The following EIF2AK2 variants were observed in gnomAD, a reference collection of about 807,000 sequenced individuals.
EIF2AK2 encodes interferon-induced, double-stranded RNA-activated protein kinase.
A neutral mutation model predicts 70.5 loss-of-function variants in EIF2AK2; 40 were observed. The observed-to-expected ratio is 0.57, with a 90% CI of 0.44 to 0.74. The LOEUF (loss-of-function observed/expected upper bound fraction) is 0.74, where lower values mean the gene tolerates loss of function less well. Ranked by LOEUF, EIF2AK2 falls within the 30% of genes least tolerant of loss-of-function variation. EIF2AK2 has a pLI of 0.00. For synonymous variants in EIF2AK2, 198 were observed against 220.9 expected, an observed-to-expected ratio of 0.90 and a Z score of 0.92; for missense variants, 555 against 644.3, an observed-to-expected ratio of 0.86 and a Z score of 1.50.
intron 6 of EIF2AK2, 78 bp downstream of exon 6, chr2:37,139,553 T>C (rs960364959): frequency 2.6e-6 from 4 of 1,557,094 alleles, no homozygotes; most frequent in South Asian, 1.2e-5. Context: ...CTTGGCATAA[T>C]GTTAACACAG....
rs2148656958 is a variant in EIF2AK2, at chr2:37,100,321, T to A, written c.*6952A>T. On this transcript the variant is annotated 3_prime_UTR_variant, in exon 17 of 17. Transcript: ENST00000233057. ...GCCCAGTGAACTGCAGCCCAGTGAA[T>A]CTCATTTTAGACTTCTGGCCTCCAG... 6.6e-6 allele frequency: 1 copy of A among 152,300 alleles called. No homozygotes were observed. Among genetic ancestry groups the A allele is most frequent in the Middle Eastern group, 3.4e-3 (1 of 294 alleles). 9.4% of individuals were successfully genotyped at this position (152,300 alleles called of 1,614,324 possible).
chr2:37,107,077 A>C lies in EIF2AK2; in HGVS notation c.*196T>G. ...AAAAGAATAAAGAGATGAGCCAGGA[A>C]AAAGTAAAATGTAAGAATGTTTTTG... On this transcript the variant is annotated 3_prime_UTR_variant, in exon 17 of 17. Coordinates refer to ENST00000233057, the MANE Select transcript of EIF2AK2 (RefSeq NM_001135651.3). The C allele has an allele frequency of 1.4e-6, 1 of 692,266 alleles. No individual in the cohort carries two copies. The highest frequency in any genetic ancestry group is 2.1e-6 in the Non-Finnish European group (1 of 472,192). The allele number at this position is 692,266 out of a possible 1,614,324, so 42.9% of individuals were successfully genotyped here.
chr2:37,118,633 C>T (rs1219262457), intron 13 of EIF2AK2, among the ~76,000 whole-genome samples: 1 of 152,214 alleles, frequency 6.6e-6, no homozygotes, highest in Non-Finnish European at 1.5e-5. Context: ...ACCAACTCTA[C>T]ATTTATCCTT....
intron 4 of EIF2AK2, among the ~76,000 whole-genome samples, chr2:37,142,427 C>T (rs1251461944): frequency 6.6e-6 from 1 of 152,114 alleles, no homozygotes; most frequent in Admixed American, 6.5e-5. Flanking sequence ...GCCACCACAC[C>T]CGGCTGAGTT....
At chr2:37,115,050 T>C (rs1674288716) in intron 13 of EIF2AK2, among the ~76,000 whole-genome samples, 191 bp from the exon 14 acceptor site, 2 of 151,092 alleles carry the variant, frequency 1.3e-5, no homozygotes, top group African/African-American at 2.4e-5. Flanking sequence ...GATTTCTTTT[T>C]TTTTTTTTTT....
At chr2:37,115,216 T>TG (rs961862164) in intron 13 of EIF2AK2, 18 of 146,100 alleles carry the variant, frequency 1.2e-4, no homozygotes, top group Non-Finnish European at 2.0e-4. Flanking sequence ...CCCGGCTAGT[T>TG]TTTTTTTTTT....
intron 12 of EIF2AK2, among the ~76,000 whole-genome samples, chr2:37,120,713 A>G (rs1674512829): frequency 1.3e-5 from 2 of 149,864 alleles, no homozygotes; most frequent in South Asian, 4.3e-4. Context: ...CTATAATCCT[A>G]GCACCTTGGG....
chr2:37,115,214 G>GT (rs747138117), intron 13 of EIF2AK2: 5,074 of 109,036 alleles, frequency 0.047, 351 homozygotes, highest in African/African-American at 0.065. Context: ...TGCCCGGCTA[G>GT]TTTTTTTTTT....
chr2:37,127,586 C>T (rs957435521), intron 10 of EIF2AK2, among the ~76,000 whole-genome samples: 1 of 152,064 alleles, frequency 6.6e-6, no homozygotes, highest in Non-Finnish European at 1.5e-5. Context: ...TCTCATACGC[C>T]CTTCCTTCCA....
At chr2:37,150,635 T>G (rs1306284005) in intron 1 of EIF2AK2, among the ~76,000 whole-genome samples, 1 of 152,168 alleles carries the variant, frequency 6.6e-6, no homozygotes, top group Non-Finnish European at 1.5e-5. Context: ...GAAAACTGAT[T>G]TACACAGAAG....
chr2:37,136,215 C>T (rs1367333782), intron 9 of EIF2AK2, among the ~76,000 whole-genome samples: 3 of 152,220 alleles, frequency 2.0e-5, no homozygotes, highest in Admixed American at 6.5e-5. Context: ...AAGCCCTTAA[C>T]TCCTTAACTT....
chr2:37,124,504 C>G (rs1038053002), intron 11 of EIF2AK2, among the ~76,000 whole-genome samples: 2 of 152,142 alleles, frequency 1.3e-5, no homozygotes, highest in Non-Finnish European at 2.9e-5. Flanking sequence ...CGTGATCTGC[C>G]TGTCTTGGCC....
intron 4 of EIF2AK2, among the ~76,000 whole-genome samples, chr2:37,144,721 C>T (rs1218018474): frequency 2.0e-5 from 3 of 151,916 alleles, no homozygotes; most frequent in Non-Finnish European, 4.4e-5. Context: ...GCTGGAACTA[C>T]AGGCACATGC....
At chr2:37,134,653 C>T (rs1558421593) in intron 10 of EIF2AK2, among the ~76,000 whole-genome samples, 1 of 152,196 alleles carries the variant, frequency 6.6e-6, no homozygotes, top group South Asian at 2.1e-4. Context: ...TCCTTGACCT[C>T]CTCCTTGACC....
intron 10 of EIF2AK2, among the ~76,000 whole-genome samples, chr2:37,128,430 T>C (rs1464809571): frequency 6.6e-6 from 1 of 152,210 alleles, no homozygotes; most frequent in African/African-American, 2.4e-5. Flanking sequence ...ATTAATAACT[T>C]GTATAGATGT....
intron 13 of EIF2AK2, among the ~76,000 whole-genome samples, chr2:37,117,826 T>G (rs1032113590): frequency 5.9e-5 from 9 of 152,212 alleles, no homozygotes. Context: ...GGTAAACACT[T>G]GGAGACTTTT....
intron 14 of EIF2AK2, among the ~76,000 whole-genome samples, chr2:37,111,943 A>C (rs143123817): frequency 0.053 from 6,907 of 131,388 alleles, 463 homozygotes; most frequent in African/African-American, 0.15. Context: ...CTCTCTCTAT[A>C]TATATATATA....
At chr2:37,107,447 A>C in intron 16 of EIF2AK2, 27 bp downstream of exon 16, 1 of 1,611,516 alleles carries the variant, frequency 6.2e-7, no homozygotes, top group Non-Finnish European at 8.5e-7. Context: ...GAAATAAATA[A>C]AATTCTGATG....
intron 10 of EIF2AK2, among the ~76,000 whole-genome samples, chr2:37,134,263 A>C (rs1461262782): frequency 6.6e-6 from 1 of 152,210 alleles, no homozygotes; most frequent in Non-Finnish European, 1.5e-5. Context: ...GCCTTAAGCC[A>C]CAAGGCCCTC....
Sources: allele counts gnomAD v4.1 joint callset (sites outside exome capture counted in the v4.1 genomes callset), GRCh38; gene constraint gnomAD v4.1.1; transcripts MANE v1.5; gene names NCBI Gene and HGNC (gene_info 2026-07-23, HGNC 2026-07-21).